The following CREBRF variants were observed in gnomAD, a reference collection of about 807,000 sequenced individuals.
CREBRF encodes UPF0474 protein C5orf41.
CREBRF carries 5 observed loss-of-function variants against 66.1 expected under a neutral mutation model. The ratio of observed to expected loss-of-function variants is 0.08; its 90% CI spans 0.04 to 0.16. The LOEUF is 0.16. Ranked by LOEUF, CREBRF falls within the 10% of genes least tolerant of loss-of-function variation. The pLI, the probability that CREBRF is intolerant of heterozygous loss-of-function variation, is 1.00. For missense variants in CREBRF, 531 were observed against 744.9 expected (o/e 0.71, Z 3.34); for synonymous variants, 229 against 264.4 (o/e 0.87, Z 1.30).
chr5:173,072,361 T>C (rs1383295503), intron 1 of CREBRF, among the ~76,000 whole-genome samples: 6 of 151,950 alleles, frequency 3.9e-5, no homozygotes, highest in Non-Finnish European at 7.4e-5. Flanking sequence ...CTGCAAGCTC[T>C]GCCTCCCGGG....
intron 4 of CREBRF, among the ~76,000 whole-genome samples, chr5:173,093,983 T>C (rs1168858708): frequency 6.6e-6 from 1 of 152,180 alleles, no homozygotes; most frequent in Non-Finnish European, 1.5e-5. Flanking sequence ...TGAGTTTGAC[T>C]TTTTTTCTAA....
chr5:173,079,319 TG>T (rs1367390755), intron 1 of CREBRF, among the ~76,000 whole-genome samples: 8 of 151,960 alleles, frequency 5.3e-5, no homozygotes, highest in Admixed American at 2.0e-4. Flanking sequence ...ATTGAGTCCC[TG>T]GGTGTGGTGT....
intron 4 of CREBRF, among the ~76,000 whole-genome samples, chr5:173,102,061 C>T (rs1350217208): frequency 6.6e-6 from 1 of 152,076 alleles, no homozygotes; most frequent in East Asian, 1.9e-4. Context: ...TCTGTTTGAT[C>T]AAGTCTTCTG....
chr5:173,110,869 T>C (rs1317317810), intron 6 of CREBRF, among the ~76,000 whole-genome samples, 158 bp downstream of exon 6: 1 of 152,194 alleles, frequency 6.6e-6, no homozygotes, highest in Non-Finnish European at 1.5e-5. Flanking sequence ...TAGAAGACGG[T>C]ATTTTTGTTT....
At chr5:173,107,977 G>A (rs1031339029) in intron 4 of CREBRF, among the ~76,000 whole-genome samples, 11 of 151,720 alleles carry the variant, frequency 7.3e-5, no homozygotes, top group Admixed American at 1.3e-4. Context: ...GATTGCAGGC[G>A]TGCACCACCA....
intron 4 of CREBRF, among the ~76,000 whole-genome samples, chr5:173,095,105 A>G (rs1161423631): frequency 2.7e-5 from 4 of 150,380 alleles, no homozygotes; most frequent in Non-Finnish European, 5.9e-5. Context: ...TAATGTGGGA[A>G]TTTATTTCTG....
At chr5:173,082,233 C>T (rs765029975) in intron 2 of CREBRF, among the ~76,000 whole-genome samples, 262 of 151,672 alleles carry the variant, frequency 1.7e-3, no homozygotes, top group Non-Finnish European at 3.3e-3. Flanking sequence ...CAGGATGGTC[C>T]CGATCTCCTG....
chr5:173,116,674 C>T (rs1255253816), intron 7 of CREBRF, among the ~76,000 whole-genome samples: 3 of 151,252 alleles, frequency 2.0e-5, no homozygotes, highest in South Asian at 2.1e-4. Flanking sequence ...GCTATAACCA[C>T]GGGGCTATGA....
In CREBRF at chr5:173,123,192, A is replaced by G; in HGVS notation, c.1794A>G (p.Lys598=). The G allele has an allele frequency of 1.2e-6, 2 of 1,601,660 alleles. No homozygotes were observed. The highest frequency in any genetic ancestry group is 1.3e-5 in the African/African-American group (1 of 74,136). The change falls in exon 8 of 9, where the codon AAA becomes AAG. Residue 598 remains lysine, a synonymous_variant. Coordinates refer to ENST00000296953, the MANE Select transcript of CREBRF (RefSeq NM_153607.3). ...NMGQKLEILI[K]DTLGLPVAGQ... ...GGCAGAAGCTTGAAATCCTCATTAA[A>G]GATACTCTCGGTAAGAAGAATGCGA...
At position 173,137,483 on chromosome 5, in the gene CREBRF, A is replaced by C. The variant is rs1275664003; in HGVS notation, c.*3738A>C. 6.6e-6 allele frequency: 1 copy of C among 151,950 alleles called. No homozygotes were observed. The highest frequency in any genetic ancestry group is 6.6e-5 in the Admixed American group (1 of 15,250). 9.4% of individuals were successfully genotyped at this position (151,950 alleles called of 1,614,324 possible). A position where few individuals can be genotyped will look rare whatever the true frequency, so the allele number is the denominator to read the frequency against. ...TCATACATCTTCTTTCTGATGCTTG[A>C]CTTTATTTGCTTCCTAGCAATAGTC... On this transcript the variant is annotated 3_prime_UTR_variant, in exon 9 of 9. Coordinates refer to ENST00000296953, the MANE Select transcript of CREBRF (RefSeq NM_153607.3).
intron 4 of CREBRF, chr5:173,092,389 A>G: frequency 2.0e-6 from 2 of 985,462 alleles, no homozygotes; most frequent in Non-Finnish European, 2.4e-6. Flanking sequence ...AGAAAATGAA[A>G]TCTCTGGGGG....
At chr5:173,099,892 CTT>C (rs530015508) in intron 4 of CREBRF, among the ~76,000 whole-genome samples, 13 of 135,852 alleles carry the variant, frequency 9.6e-5, no homozygotes, top group Admixed American at 1.5e-4. Flanking sequence ...TTATATATAG[CTT>C]TTTTTTTTTT....
intron 4 of CREBRF, among the ~76,000 whole-genome samples, chr5:173,093,178 G>A (rs565581942): frequency 2.6e-5 from 4 of 152,258 alleles, no homozygotes; most frequent in South Asian, 2.1e-4. Flanking sequence ...AATGGCAAAT[G>A]TGGGGAAGGA....
rs1554125223 is a variant in CREBRF, at chr5:173,100,078, T to TTGTGTGTGTATG, written c.1223-8537_1223-8536insATGTGTGTGTGT. Among the ~76,000 whole-genome samples the TTGTGTGTGTATG allele has an allele frequency of 2.8e-3, 196 of 69,124 alleles. 4 individuals are homozygous for TTGTGTGTGTATG. The highest frequency in any genetic ancestry group is 0.01 in the South Asian group (21 of 2,052). 45.3% of individuals were successfully genotyped at this position (69,124 alleles called of 152,430 possible). On this transcript the variant is annotated intron_variant, in intron 4 of 8. Coordinates refer to ENST00000296953, the MANE Select transcript of CREBRF (RefSeq NM_153607.3). The stretch of plus-strand genomic sequence containing the variant: ...CCTGCCACCACACCTGGCTAATCTT[T>TTGTGTGTGTATG]TGTGTGTGTGTGTGTGTGTGTGTGT...
chr5:173,099,215 G>A (rs1758554908), intron 4 of CREBRF, among the ~76,000 whole-genome samples: 1 of 152,058 alleles, frequency 6.6e-6, no homozygotes, highest in Non-Finnish European at 1.5e-5. Flanking sequence ...GAGTGCAGTG[G>A]TGCAATCACT....
intron 4 of CREBRF, among the ~76,000 whole-genome samples, chr5:173,099,119 A>G (rs1758551261): frequency 6.6e-6 from 1 of 151,926 alleles, no homozygotes; most frequent in Non-Finnish European, 1.5e-5. Flanking sequence ...ATTTCCATGG[A>G]ATATCTCTTT....
intron 7 of CREBRF, among the ~76,000 whole-genome samples, chr5:173,117,379 CAAA>C (rs200049277): frequency 2.9e-5 from 4 of 138,678 alleles, no homozygotes; most frequent in African/African-American, 5.4e-5. Context: ...AACTCTGTCT[CAAA>C]AAAAAAAAAA....
At chr5:173,121,522 C>T (rs968782673) in intron 7 of CREBRF, among the ~76,000 whole-genome samples, 2 of 151,970 alleles carry the variant, frequency 1.3e-5, no homozygotes, top group Admixed American at 1.3e-4. Context: ...CAGGGTTTCA[C>T]CGTGTTAGCC....
intron 1 of CREBRF, among the ~76,000 whole-genome samples, chr5:173,079,466 T>TA (rs57288779): frequency 4.8e-3 from 630 of 130,980 alleles, no homozygotes; most frequent in Middle Eastern, 0.015. Context: ...CTGTCTTTTT[T>TA]AAAAAAAAAA....
Sources: allele counts gnomAD v4.1 joint callset (sites outside exome capture counted in the v4.1 genomes callset), GRCh38; gene constraint gnomAD v4.1.1; transcripts MANE v1.5; gene names NCBI Gene and HGNC (gene_info 2026-07-23, HGNC 2026-07-21).